Variants in SATL1 observed in about 807,000 individuals in gnomAD.
SATL1 encodes spermidine/spermine N1-acetyl transferase like 1, also known as spermidine/spermine N(1)-acetyltransferase-like protein 1.
SATL1 carries 47 observed loss-of-function variants against 51.8 expected under a neutral mutation model. That is an observed-to-expected ratio of 0.91 (90% CI 0.72 to 1.16). SATL1 has a LOEUF of 1.16. Ranked by LOEUF, SATL1 falls within the 50% of genes most tolerant of loss-of-function variation. The pLI is 0.00. For synonymous variants in SATL1, 176 were observed against 182.4 expected, an observed-to-expected ratio of 0.97 and a Z score of 0.28; for missense variants, 520 against 526.4, an observed-to-expected ratio of 0.99 and a Z score of 0.12.
intron 2 of SATL1, among the ~76,000 whole-genome samples, chrX:85,161,166 A>G (rs1322933056): frequency 8.9e-6 from 1 of 111,890 alleles, no homozygotes; most frequent in Non-Finnish European, 1.9e-5. Context: ...TGAGGGAAGC[A>G]GTAAGTATAG....
chrX:85,212,892 T>C (rs1408482080), intron 2 of SATL1: 1 of 111,372 alleles, frequency 9.0e-6, no homozygotes, highest in Non-Finnish European at 1.9e-5. Context: ...ATATAATAAA[T>C]ACTAAGACCT....
intron 2 of SATL1, chrX:85,212,656 AT>A (rs1386231200): frequency 9.0e-6 from 1 of 111,256 alleles, no homozygotes; most frequent in Non-Finnish European, 1.9e-5. Context: ...TATAATATTT[AT>A]TTTATTTTTT....
In SATL1 at chrX:85,108,234, T is replaced by C. The variant is rs202022552; in HGVS notation, c.735A>G (p.Gln245=). The change falls in exon 3 of 8, where the codon CAA becomes CAG. Residue 245 remains glutamine, a synonymous_variant. Transcript: ENST00000644105. ...ATAAACTTGATTGGTTTGCGTCTGG[T>C]TGGCTCATGTCTGTTTGGTTCTTAC... ...QSCKNQTDMS[Q]PDANQSSLSD... 6.6e-6 allele frequency: 8 copies of C among 1,210,275 alleles called. No individual in the cohort carries two copies. Among genetic ancestry groups the C allele is most frequent in the African/African-American group, 5.2e-5 (3 of 57,233 alleles).
chrX:85,170,949 T>C (rs749882674), intron 2 of SATL1, among the ~76,000 whole-genome samples: 33 of 111,574 alleles, frequency 3.0e-4, no homozygotes, highest in Non-Finnish European at 5.9e-4. Context: ...GAACAAATAC[T>C]CTCATGAGTT....
At chrX:85,224,594 T>C (rs1349227227) in intron 1 of SATL1, among the ~76,000 whole-genome samples, 2 of 110,277 alleles carry the variant, frequency 1.8e-5, no homozygotes, top group African/African-American at 3.3e-5. Context: ...TCTAAGCTTG[T>C]TCCTTTTTTA....
chrX:85,188,257 A>T (rs1270350652), intron 2 of SATL1, among the ~76,000 whole-genome samples: 2 of 111,506 alleles, frequency 1.8e-5, no homozygotes, highest in African/African-American at 3.3e-5. Context: ...AAAATAATTA[A>T]CTGCTAACTT....
chrX:85,135,761 A>G (rs73511603), intron 2 of SATL1, among the ~76,000 whole-genome samples: 6,339 of 99,398 alleles, frequency 0.064, 663 homozygotes, highest in African/African-American at 0.19. Context: ...TGTACTTTTC[A>G]TAGAGATGGG....
intron 2 of SATL1, among the ~76,000 whole-genome samples, chrX:85,184,955 G>A (rs1004471265): frequency 8.9e-6 from 1 of 111,773 alleles, no homozygotes; most frequent in African/African-American, 3.3e-5. Flanking sequence ...GGGCTTGTTT[G>A]TACCCATCCT....
chrX:85,205,089 T>G (rs1016772384), intron 2 of SATL1, among the ~76,000 whole-genome samples: 1 of 112,064 alleles, frequency 8.9e-6, no homozygotes, highest in South Asian at 3.7e-4. Flanking sequence ...CTGAGATTAC[T>G]CATCATCTGT....
rs1924543133 is a variant in SATL1 at position 85,092,319 on chromosome X, A to T, written c.*72T>A. 1 of 1,067,556 alleles carries T rather than the reference A, an allele frequency of 9.4e-7. No individual in the cohort carries two copies. Among genetic ancestry groups the T allele is most frequent in the Non-Finnish European group, 1.2e-6 (1 of 808,493 alleles). 88.0% of individuals were successfully genotyped at this position (1,067,556 alleles called of 1,213,427 possible). A position where few individuals can be genotyped will look rare whatever the true frequency, so the allele number is the denominator to read the frequency against. ...ACTTGCTGTATTGTACAACAAAGTCAAACTGCTGTTAGACTCAGGTGACAG... is the reference window on the plus strand; with the variant it reads ...ACTTGCTGTATTGTACAACAAAGTCTAACTGCTGTTAGACTCAGGTGACAG... On this transcript the variant is annotated 3_prime_UTR_variant, in exon 8 of 8. Coordinates refer to ENST00000644105, the MANE Select transcript of SATL1 (RefSeq NM_001367857.2).
intron 2 of SATL1, among the ~76,000 whole-genome samples, chrX:85,196,507 C>T (rs1332851950): frequency 9.0e-6 from 1 of 111,019 alleles, no homozygotes; most frequent in African/African-American, 3.3e-5. Flanking sequence ...ACAGCCAAAA[C>T]AATCTTGAAA....
intron 2 of SATL1, among the ~76,000 whole-genome samples, chrX:85,193,381 A>C (rs1927483439): frequency 8.9e-6 from 1 of 111,753 alleles, no homozygotes; most frequent in Non-Finnish European, 1.9e-5. Context: ...GAAGAAGGAT[A>C]GATAATCCAG....
chrX:85,227,790 T>G (rs1362285239), intron 1 of SATL1, among the ~76,000 whole-genome samples: 1 of 111,646 alleles, frequency 9.0e-6, no homozygotes, highest in Admixed American at 9.5e-5. Flanking sequence ...TGGGCTACAA[T>G]TCAAACAAAC....
intron 2 of SATL1, among the ~76,000 whole-genome samples, chrX:85,122,591 A>G (rs1925532116): frequency 9.0e-6 from 1 of 111,305 alleles, no homozygotes; most frequent in African/African-American, 3.3e-5. Context: ...CACTCGATTC[A>G]TATTGGAACA....
At chrX:85,145,730 G>A (rs767390667) in intron 2 of SATL1, among the ~76,000 whole-genome samples, 18 of 110,383 alleles carry the variant, frequency 1.6e-4, no homozygotes, top group African/African-American at 5.6e-4. Flanking sequence ...TCACCTAACC[G>A]ATCTTTTCAT....
chrX:85,178,588 C>A (rs1602892709), intron 2 of SATL1, among the ~76,000 whole-genome samples: 1 of 98,398 alleles, frequency 1.0e-5, no homozygotes, highest in Non-Finnish European at 2.0e-5. Flanking sequence ...GAGTTATAAC[C>A]ACTTCAGCCC....
intron 2 of SATL1, chrX:85,210,258 A>G (rs1473025185): frequency 2.8e-5 from 3 of 108,382 alleles, no homozygotes; most frequent in East Asian, 2.9e-4. Context: ...TAATCTCACC[A>G]TTGCCGTTAC....
intron 2 of SATL1, among the ~76,000 whole-genome samples, chrX:85,189,752 A>G (rs1406728376): frequency 8.9e-6 from 1 of 112,225 alleles, no homozygotes; most frequent in Non-Finnish European, 1.9e-5. Flanking sequence ...TGGATATTTC[A>G]CAATTGGAGC....
intron 2 of SATL1, among the ~76,000 whole-genome samples, chrX:85,198,631 G>A: frequency 9.0e-6 from 1 of 110,576 alleles, no homozygotes; most frequent in Non-Finnish European, 1.9e-5. Flanking sequence ...GTACATAATA[G>A]GTATATATAT....
Sources: allele counts gnomAD v4.1 joint callset (sites outside exome capture counted in the v4.1 genomes callset), GRCh38; gene constraint gnomAD v4.1.1; transcripts MANE v1.5; gene names NCBI Gene and HGNC (gene_info 2026-07-23, HGNC 2026-07-21).